Variants in MICU3 observed in about 807,000 individuals in gnomAD.
MICU3 encodes calcium uptake protein 3, mitochondrial.
MICU3 carries 62 observed loss-of-function variants against 66.5 expected under a neutral mutation model. The ratio of observed to expected loss-of-function variants is 0.93; its 90% CI spans 0.76 to 1.15. The LOEUF (loss-of-function observed/expected upper bound fraction) is 1.15, where lower values mean the gene tolerates loss of function less well. MICU3 is among the 50% of genes most tolerant of loss of function. MICU3 has a pLI of 0.00. For synonymous variants in MICU3, 308 were observed against 240.7 expected, an observed-to-expected ratio of 1.28 and a Z score of -2.59; for missense variants, 779 against 664.4, an observed-to-expected ratio of 1.17 and a Z score of -1.90.
At chr8:17,066,917 G>T (rs1211158156) in intron 2 of MICU3, among the ~76,000 whole-genome samples, 5 of 151,972 alleles carry the variant, frequency 3.3e-5, no homozygotes, top group Non-Finnish European at 7.4e-5. Flanking sequence ...ACATTCACTG[G>T]AAGCACACTG....
chr8:17,093,773 G>A (rs3850763), intron 8 of MICU3, among the ~76,000 whole-genome samples: 96,029 of 151,738 alleles, frequency 0.63, 32,198 homozygotes, highest in African/African-American at 0.86. Flanking sequence ...TTATCAGAAT[G>A]AATATACTAC....
intron 1 of MICU3, among the ~76,000 whole-genome samples, chr8:17,031,658 T>G (rs1812093645): frequency 6.6e-6 from 1 of 152,140 alleles, no homozygotes; most frequent in Non-Finnish European, 1.5e-5. Context: ...AGCTAAGAAC[T>G]TCTGATTTAT....
intron 2 of MICU3, among the ~76,000 whole-genome samples, chr8:17,068,450 TCTTTC>T (rs1388012611): frequency 1.3e-5 from 2 of 152,202 alleles, no homozygotes; most frequent in Non-Finnish European, 2.9e-5. Flanking sequence ...TTATTTTTCT[TCTTTC>T]CTTACTGCTA....
chr8:17,125,269 C>G (rs1803376604), downstream of MICU3, among the ~76,000 whole-genome samples: 1 of 151,470 alleles, frequency 6.6e-6, no homozygotes, highest in South Asian at 2.1e-4. Context: ...ATTCTTTTTT[C>G]TTGAGTTTTC....
At chr8:17,093,397 AAAC>A (rs1585458735) in intron 8 of MICU3, among the ~76,000 whole-genome samples, 2 of 151,954 alleles carry the variant, frequency 1.3e-5, no homozygotes, top group African/African-American at 4.8e-5. Context: ...TTATGGACTA[AAAC>A]AATATCAATA....
chr8:17,042,712 A>G (rs1228271248), intron 1 of MICU3, among the ~76,000 whole-genome samples: 4 of 152,058 alleles, frequency 2.6e-5, no homozygotes, highest in Non-Finnish European at 5.9e-5. Context: ...CTATTTTCTA[A>G]TTAATTGTCT....
At chr8:17,134,660 G>C in the MICU3 span, among the ~76,000 whole-genome samples, 2 of 152,122 alleles carry the variant, frequency 1.3e-5, no homozygotes, top group Non-Finnish European at 2.9e-5. Flanking sequence ...TAGCCAGGAT[G>C]GTCTCAATCT....
At chr8:17,114,302 C>T (rs1016936295) in intron 12 of MICU3, 101 bp downstream of exon 12, 12 of 691,334 alleles carry the variant, frequency 1.7e-5, no homozygotes, top group Admixed American at 2.7e-5. Flanking sequence ...CACCCATCAA[C>T]TTGTGTGAAA....
chr8:17,096,955 T>TTGTGTG (rs3988378), intron 8 of MICU3, among the ~76,000 whole-genome samples: 3,800 of 141,568 alleles, frequency 0.027, 52 homozygotes, highest in Middle Eastern at 0.035. Flanking sequence ...CTAAATATAT[T>TTGTGTG]TGTGTGTGTG....
In MICU3 at chr8:17,122,257, G is replaced by A. The variant is rs555215390; in HGVS notation, c.*1970G>A. 188 of 151,838 alleles carry A rather than the reference G, an allele frequency of 1.2e-3. No homozygotes were observed. Among genetic ancestry groups the A allele is most frequent in the African/African-American group, 4.4e-3 (182 of 41,524 alleles). 9.4% of individuals were successfully genotyped at this position (151,838 alleles called of 1,614,324 possible). On this transcript the variant is annotated 3_prime_UTR_variant, in exon 15 of 15. Coordinates refer to ENST00000318063, the MANE Select transcript of MICU3 (RefSeq NM_181723.3). ...AATAGAAAAGAAAGTAAATTACAGTGATTTCCATCATATTATCACTCTTGA... is the reference window on the plus strand; with the variant it reads ...AATAGAAAAGAAAGTAAATTACAGTAATTTCCATCATATTATCACTCTTGA...
intron 1 of MICU3, among the ~76,000 whole-genome samples, chr8:17,043,384 T>C (rs1563282543): frequency 6.6e-6 from 1 of 152,232 alleles, no homozygotes; most frequent in Admixed American, 6.5e-5. Context: ...AAAATTATTC[T>C]TACTAATCTG....
At chr8:17,075,323 C>CTG (rs1820217779) in intron 3 of MICU3, among the ~76,000 whole-genome samples, 1 of 152,178 alleles carries the variant, frequency 6.6e-6, no homozygotes, top group Non-Finnish European at 1.5e-5. Context: ...TGAACTTAAT[C>CTG]TGTAGCCTCT....
At chr8:17,087,400 C>T (rs1477274574) in intron 7 of MICU3, among the ~76,000 whole-genome samples, 2 of 151,934 alleles carry the variant, frequency 1.3e-5, no homozygotes, top group African/African-American at 4.8e-5. Flanking sequence ...GGTAATATAA[C>T]AAGGTGACTG....
chr8:17,126,624 T>A (rs181005321), downstream of MICU3, among the ~76,000 whole-genome samples: 428 of 152,328 alleles, frequency 2.8e-3, no homozygotes, highest in African/African-American at 9.6e-3. Flanking sequence ...GTTTACTTTT[T>A]AAGAAAAGCA....
At chr8:17,052,175 C>G (rs939902251) in intron 1 of MICU3, among the ~76,000 whole-genome samples, 6 of 151,992 alleles carry the variant, frequency 3.9e-5, no homozygotes, top group African/African-American at 1.5e-4. Context: ...ATAATGTAAG[C>G]TACTATAATA....
intron 1 of MICU3, among the ~76,000 whole-genome samples, chr8:17,034,065 T>C (rs778718717): frequency 6.6e-6 from 1 of 152,108 alleles, no homozygotes; most frequent in Non-Finnish European, 1.5e-5. Flanking sequence ...GGCTGGCCCT[T>C]TTGTTAGGGG....
chr8:17,069,758 A>T (rs766040197), intron 3 of MICU3, 39 bp downstream of exon 3: 2 of 889,844 alleles, frequency 2.2e-6, no homozygotes, highest in South Asian at 4.3e-5. Context: ...CAAATTTTAT[A>T]TGTGCATGCA....
chr8:17,071,610 G>C (rs557175997), intron 3 of MICU3, among the ~76,000 whole-genome samples: 7 of 152,122 alleles, frequency 4.6e-5, no homozygotes, highest in Non-Finnish European at 1.0e-4. Context: ...ATGAAAAAAA[G>C]AAGAGGCTCT....
At chr8:17,126,437 A>T (rs1316074318), downstream of MICU3, among the ~76,000 whole-genome samples, 1 of 152,196 alleles carries the variant, frequency 6.6e-6, no homozygotes, top group Non-Finnish European at 1.5e-5. Context: ...TAGTTTCAAG[A>T]GGGAGTGAGG....
Sources: gnomAD v4.1 joint callset for allele counts (sites outside exome capture counted in the v4.1 genomes callset) on GRCh38, gnomAD v4.1.1 for gene constraint, MANE v1.5 for transcripts, NCBI Gene and HGNC (gene_info 2026-07-23, HGNC 2026-07-21) for gene names.